The following GNAO1 variants were observed in gnomAD, a reference collection of about 807,000 sequenced individuals.
GNAO1 encodes guanine nucleotide-binding protein G(o) subunit alpha.
For missense variants in GNAO1, 166 were observed against 478.7 expected, an observed-to-expected ratio of 0.35 and a Z score of 6.10; for synonymous variants, 164 against 180.7, an observed-to-expected ratio of 0.91 and a Z score of 0.74.
Position 56,354,876 on chromosome 16 carries a change from C to T in GNAO1, c.888C>T (p.Thr296=). Residue 296 remains threonine (T), a synonymous_variant, in exon 8 of 9, where the codon ACC becomes ACT. Coordinates refer to ENST00000262493, the MANE Select transcript of GNAO1 (RefSeq NM_020988.3). This position sits in a 1 kb window ranked among gnomAD's most constrained non-coding sequence, Gnocchi z 4.3. ...ICFPEYTGPN[T]YEDAAAYIQA... is the part of the protein sequence containing the mutation. ...TGTGTCTTGTTACAGGCCCCAATAC[C>T]TATGAAGACGCAGCCGCCTACATCC... 1 of 1,610,928 alleles carries T rather than the reference C, an allele frequency of 6.2e-7. No homozygotes were observed. The highest frequency in any genetic ancestry group is 8.5e-7 in the Non-Finnish European group (1 of 1,177,424).
intron 6 of GNAO1, chr16:56,347,237 G>C (rs1377266221): frequency 1.8e-5 from 18 of 985,356 alleles, no homozygotes; most frequent in Non-Finnish European, 2.2e-5. Context: ...GGAGCCTTCA[G>C]GCAAAACCTG....
intron 2 of GNAO1, among the ~76,000 whole-genome samples, chr16:56,233,710 G>T (rs1334727151): frequency 6.6e-6 from 1 of 152,218 alleles, no homozygotes; most frequent in Non-Finnish European, 1.5e-5. Flanking sequence ...TACCCTTGGA[G>T]CCTCCCAGCG....
At chr16:56,334,968 T>C in intron 5 of GNAO1, 111 bp downstream of exon 5, 1 of 1,185,656 alleles carries the variant, frequency 8.4e-7, no homozygotes, top group Non-Finnish European at 1.2e-6. Flanking sequence ...CCAGGGAACC[T>C]GCGGGCTGGG....
intron 2 of GNAO1, among the ~76,000 whole-genome samples, chr16:56,262,603 G>A (rs192773263): frequency 3.9e-4 from 60 of 152,108 alleles, no homozygotes; most frequent in Non-Finnish European, 7.9e-4. Context: ...CCGTACTTGC[G>A]CATTCTCCAC....
chr16:56,329,144 C>A, intron 4 of GNAO1: 1 of 192,524 alleles, frequency 5.2e-6, no homozygotes, highest in Non-Finnish European at 1.1e-5. Context: ...CCCCTGACCG[C>A]ATAAATACAA....
intron 2 of GNAO1, among the ~76,000 whole-genome samples, chr16:56,254,991 G>A (rs1245181069): frequency 6.6e-6 from 1 of 152,204 alleles, no homozygotes; most frequent in African/African-American, 2.4e-5. Context: ...TCAGTGGGAT[G>A]AGACGTTAAA....
chr16:56,275,016 T>A (rs2143518659), intron 2 of GNAO1, among the ~76,000 whole-genome samples: 1 of 152,360 alleles, frequency 6.6e-6, no homozygotes, highest in Non-Finnish European at 1.5e-5. Flanking sequence ...AGCCTTGGTA[T>A]GGTAGAAAGG....
intron 6 of GNAO1, chr16:56,347,332 G>A: frequency 2.0e-6 from 2 of 985,546 alleles, no homozygotes; most frequent in Non-Finnish European, 2.4e-6. Flanking sequence ...GTCACCCCCA[G>A]GCAGTTCCTG....
chr16:56,242,875 C>A (rs1195681641), intron 2 of GNAO1, among the ~76,000 whole-genome samples: 6 of 152,164 alleles, frequency 3.9e-5, no homozygotes, highest in Non-Finnish European at 5.9e-5. Context: ...GGGAACCCAC[C>A]AGGCCATACA....
chr16:56,268,790 C>T (rs1464941218), intron 2 of GNAO1, among the ~76,000 whole-genome samples: 1 of 152,214 alleles, frequency 6.6e-6, no homozygotes, highest in African/African-American at 2.4e-5. Flanking sequence ...CTGCACAGGA[C>T]ACACACTGTA....
At position 56,308,778 on chromosome 16, in the gene GNAO1, G is replaced by A. The variant is rs541485293; in HGVS notation, c.304-19853G>A. ...CGCCCAGAGAAGAGGAGAAGTGGGC[G>A]TGATGGAGAGGGCACTGCGAGCCCT... On this transcript the variant is annotated intron_variant, in intron 3 of 8. Transcript: ENST00000262493. Among the ~76,000 whole-genome samples, 4 of 152,272 alleles carry A rather than the reference G, an allele frequency of 2.6e-5. No individual in the cohort carries two copies. The East Asian group carries it at 5.8e-4, about 22-fold the overall frequency.
At chr16:56,287,573 C>T (rs1031423104) in intron 3 of GNAO1, among the ~76,000 whole-genome samples, 2 of 152,214 alleles carry the variant, frequency 1.3e-5, no homozygotes, top group Non-Finnish European at 2.9e-5. Context: ...CTCCTCTTGC[C>T]CATACCTCAC....
intron 2 of GNAO1, chr16:56,193,123 G>C (rs1217863071): frequency 6.3e-6 from 1 of 157,562 alleles, no homozygotes; most frequent in Non-Finnish European, 1.4e-5. Context: ...CCCTAGACTG[G>C]GGTGGAGGAT....
At chr16:56,305,021 A>G (rs1596853908) in intron 3 of GNAO1, among the ~76,000 whole-genome samples, 1 of 152,162 alleles carries the variant, frequency 6.6e-6, no homozygotes, top group South Asian at 2.1e-4. Flanking sequence ...AGCTACCCTC[A>G]TGGCTGGTAT....
chr16:56,253,425 G>T (rs577044224), intron 2 of GNAO1, among the ~76,000 whole-genome samples: 31 of 152,336 alleles, frequency 2.0e-4, no homozygotes, highest in African/African-American at 7.2e-4. Context: ...TGGGAGAAGA[G>T]AATCTTTATT....
At chr16:56,328,374 C>T (rs983351917) in intron 3 of GNAO1, among the ~76,000 whole-genome samples, 3 of 152,140 alleles carry the variant, frequency 2.0e-5, no homozygotes, top group Admixed American at 6.5e-5. Context: ...CCCCAGAAAA[C>T]TCTGGGGCCC....
At chr16:56,266,966 G>A (rs1337677450) in intron 2 of GNAO1, among the ~76,000 whole-genome samples, 2 of 152,192 alleles carry the variant, frequency 1.3e-5, no homozygotes, top group East Asian at 1.9e-4. Flanking sequence ...CCGCCACCGT[G>A]TCCACATCGT....
chr16:56,319,441 G>T lies in GNAO1; in HGVS notation c.304-9190G>T, dbSNP rs116283748. On this transcript the variant is annotated intron_variant, in intron 3 of 8. Transcript: ENST00000262493. Reference sequence around the variant, plus strand: ...TGGTGGGTAGGAGCTGGGTACACAGGGGGCAGGGCCCTGACTGGGCTCTGG... The same window carrying T: ...TGGTGGGTAGGAGCTGGGTACACAGTGGGCAGGGCCCTGACTGGGCTCTGG... 9.1e-3 allele frequency among the ~76,000 whole-genome samples: 1,388 copies of T among 152,224 alleles called. 3 individuals carry two copies. Among genetic ancestry groups the T allele is most frequent in the Middle Eastern group, 0.041 (12 of 294 alleles).
At position 56,356,813 on chromosome 16, in the gene GNAO1, G is replaced by A. The variant is rs1173033101; in HGVS notation, c.*739G>A. On this transcript the variant is annotated 3_prime_UTR_variant, in exon 9 of 9. Coordinates refer to ENST00000262493, the MANE Select transcript of GNAO1 (RefSeq NM_020988.3). ...CAGTTTTTGTTTTTACTTTTGTCCCGCCGAGTACTATGTATTACCAGCCCC... is the reference window on the plus strand; with the variant it reads ...CAGTTTTTGTTTTTACTTTTGTCCCACCGAGTACTATGTATTACCAGCCCC... 2.8e-5 allele frequency: 4 copies of A among 142,442 alleles called. No individual in the cohort carries two copies. The highest frequency in any genetic ancestry group is 7.2e-5 in the Admixed American group (1 of 13,800). The allele number at this position is 142,442 out of a possible 1,614,324, so 8.8% of individuals were successfully genotyped here.
Sources: gnomAD v4.1 joint callset for allele counts (sites outside exome capture counted in the v4.1 genomes callset) on GRCh38, gnomAD v4.1.1 for gene constraint, Gnocchi (gnomAD v3.1) non-coding constraint, MANE v1.5 for transcripts, NCBI Gene and HGNC (gene_info 2026-07-23, HGNC 2026-07-21) for gene names.